Variants in ACSBG1 observed in about 807,000 individuals in gnomAD.
ACSBG1 encodes long-chain-fatty-acid--CoA ligase ACSBG1.
ACSBG1 carries 39 observed loss-of-function variants against 80.2 expected under a neutral mutation model. That is an observed-to-expected ratio of 0.49 (90% CI 0.38 to 0.64). The LOEUF is 0.64. Among genes scored for constraint, ACSBG1 ranks in the 30% least tolerant of loss-of-function variants. The probability of loss-of-function intolerance (pLI) is 0.00; values close to 1 mark genes in which losing one functional copy is unlikely to be tolerated. For synonymous variants in ACSBG1, 392 were observed against 379.5 expected (o/e 1.03, Z -0.38); for missense variants, 828 against 966.4 (o/e 0.86, Z 1.90).
At chr15:78,187,305 T>A (rs960047422) in intron 5 of ACSBG1, among the ~76,000 whole-genome samples, 81 of 152,240 alleles carry the variant, frequency 5.3e-4, no homozygotes, top group African/African-American at 1.9e-3. Flanking sequence ...AAAGAGGGAA[T>A]CCTCCCTAAC....
chr15:78,199,086 A>G (rs1013523913), intron 2 of ACSBG1, among the ~76,000 whole-genome samples: 37 of 151,792 alleles, frequency 2.4e-4, no homozygotes, highest in African/African-American at 8.7e-4. Flanking sequence ...GAACAGCGCA[A>G]TATTTTTCTT....
At chr15:78,190,359 CTTTT>C (rs1033062575) in intron 5 of ACSBG1, among the ~76,000 whole-genome samples, 1 of 151,334 alleles carries the variant, frequency 6.6e-6, no homozygotes, top group African/African-American at 2.4e-5. Flanking sequence ...TTCCTTCTTT[CTTTT>C]TGTTTTTTTA....
rs753800326 is a variant in ACSBG1 at position 78,194,018 on chromosome 15, G to T, written c.456C>A (p.Leu152=). The T allele has an allele frequency of 6.2e-7, 1 of 1,613,894 alleles. No homozygotes were observed. Among genetic ancestry groups the T allele is most frequent in the Non-Finnish European group, 8.5e-7 (1 of 1,179,970 alleles). The change falls in exon 4 of 14, where the codon CTC becomes CTA. Residue 152 remains leucine, a splice_region_variant and synonymous_variant. Transcript: ENST00000258873. ...CCACACTGTGGGCCTGCTTCAGGCC[G>T]AGCTCCAGGTCAAAGGCAGACAGGC... The part of the protein sequence containing the change: ...ARRAAKGFLK[L]GLKQAHSVAI...
At chr15:78,173,384 A>AT (rs1208137649) in intron 13 of ACSBG1, among the ~76,000 whole-genome samples, 5 of 148,064 alleles carry the variant, frequency 3.4e-5, no homozygotes, top group African/African-American at 1.2e-4. Context: ...GTTCTAGCAC[A>AT]TATCTTATAC....
chr15:78,215,772 A>G (rs1294625600), intron 1 of ACSBG1, among the ~76,000 whole-genome samples: 1 of 149,046 alleles, frequency 6.7e-6, no homozygotes, highest in African/African-American at 2.5e-5. Flanking sequence ...GAAAGAAAGA[A>G]AGAAAGAAAG....
At chr15:78,193,439 G>A in intron 5 of ACSBG1, 67 bp downstream of exon 5, 4 of 1,551,076 alleles carry the variant, frequency 2.6e-6, no homozygotes, top group Non-Finnish European at 3.5e-6. Context: ...GGTTCCGTGT[G>A]AGTTGGAGTG....
rs998831414 is a variant in ACSBG1 at position 78,180,142 on chromosome 15, C to G, written c.1254-362G>C. Among the ~76,000 whole-genome samples, 4 of 152,306 alleles carry G rather than the reference C, an allele frequency of 2.6e-5. No individual in the cohort carries two copies. The South Asian group carries it at 8.3e-4, about 32-fold the overall frequency. ...TGTATACACATGTACAAACGTGGGA[C>G]CCCAGTGAAGCCCACAAATGCTTTG... On this transcript the variant is annotated intron_variant, in intron 9 of 13. Coordinates refer to ENST00000258873, the MANE Select transcript of ACSBG1 (RefSeq NM_015162.5).
chr15:78,184,749 C>G (rs1325544513), intron 5 of ACSBG1, among the ~76,000 whole-genome samples: 1 of 152,188 alleles, frequency 6.6e-6, no homozygotes, highest in African/African-American at 2.4e-5. Context: ...CATCGTTGCA[C>G]TGTAAATACT....
intron 9 of ACSBG1, among the ~76,000 whole-genome samples, chr15:78,180,307 C>T (rs1196100753): frequency 6.6e-6 from 1 of 152,160 alleles, no homozygotes; most frequent in Non-Finnish European, 1.5e-5. Flanking sequence ...GCCAGCTTTA[C>T]GTCACTGACC....
rs767787287 is a variant in ACSBG1, at chr15:78,178,645, A to G, written c.1671T>C (p.Asp557=). 5 of 1,613,588 alleles carry G rather than the reference A, an allele frequency of 3.1e-6. No homozygotes were observed. Among genetic ancestry groups the G allele is most frequent in the South Asian group, 1.1e-5 (1 of 91,032 alleles). ...GGCGCCCAGTGATGTAGAGGAAGCCATCGGCGTCCAGGCGGCCAGCATCAC... is the reference window on the plus strand; with the variant it reads ...GGCGCCCAGTGATGTAGAGGAAGCCGTCGGCGTCCAGGCGGCCAGCATCAC... ...HTGDAGRLDA[D]GFLYITGRLK... The change falls in exon 11 of 14, where the codon GAT becomes GAC. Residue 557 remains aspartate (D), a synonymous_variant. Coordinates refer to ENST00000258873, the MANE Select transcript of ACSBG1 (RefSeq NM_015162.5). This position sits in a 1 kb window ranked among gnomAD's most constrained non-coding sequence, Gnocchi z 4.3.
intron 5 of ACSBG1, among the ~76,000 whole-genome samples, chr15:78,185,267 T>G (rs2074990109): frequency 6.6e-6 from 1 of 152,096 alleles, no homozygotes; most frequent in South Asian, 2.1e-4. Flanking sequence ...AGGGTGAAAC[T>G]CCATGAAGCT....
intron 1 of ACSBG1, among the ~76,000 whole-genome samples, chr15:78,219,964 AAC>A (rs2075347486): frequency 6.6e-6 from 1 of 152,072 alleles, no homozygotes; most frequent in African/African-American, 2.4e-5. Flanking sequence ...GAATCTGGGC[AAC>A]AGAGTGAGAC....
chr15:78,216,475 T>A (rs557667908), intron 1 of ACSBG1, among the ~76,000 whole-genome samples: 3 of 152,256 alleles, frequency 2.0e-5, no homozygotes, highest in East Asian at 3.9e-4. Context: ...AGGCATGGAC[T>A]GTGGACCATC....
chr15:78,184,457 A>T (rs893992051), intron 5 of ACSBG1, among the ~76,000 whole-genome samples: 1 of 152,056 alleles, frequency 6.6e-6, no homozygotes, highest in Non-Finnish European at 1.5e-5. Flanking sequence ...TGCTGGGATT[A>T]TACGAATGAG....
At position 78,182,509 on chromosome 15, in the gene ACSBG1, C is replaced by T; in HGVS notation, c.851G>A (p.Gly284Asp). Residue 284 changes from glycine (G) to aspartate (D), a missense_variant, in exon 7 of 14, where the codon GGC becomes GAC. Gly to Asp is a moderately conservative substitution (Grantham distance 94). This residue lies in a region of ACSBG1 where 271 missense variants were observed against 375.9 expected (regional missense o/e 0.72). Coordinates refer to ENST00000258873, the MANE Select transcript of ACSBG1 (RefSeq NM_015162.5). Reference sequence around the variant, plus strand: ...CACGCCCTTGGGGTTCCCAGTGGTGCCGGAAGTGTAGACTAGCACACAGCA... The same window carrying T: ...CACGCCCTTGGGGTTCCCAGTGGTGTCGGAAGTGTAGACTAGCACACAGCA... ...NQCCVLVYTS[G>D]TTGNPKGVML... 6.2e-7 allele frequency: 1 copy of T among 1,614,164 alleles called. No homozygotes were observed. The highest frequency in any genetic ancestry group is 8.5e-7 in the Non-Finnish European group (1 of 1,180,030).
At chr15:78,180,611 A>C in intron 9 of ACSBG1, 144 bp downstream of exon 9, 1 of 1,041,566 alleles carries the variant, frequency 9.6e-7, no homozygotes, top group Non-Finnish European at 1.3e-6. Context: ...AAGCCCAGTC[A>C]TTGATGGGGC....
At chr15:78,217,220 C>A (rs1353631046) in intron 1 of ACSBG1, among the ~76,000 whole-genome samples, 1 of 152,210 alleles carries the variant, frequency 6.6e-6, no homozygotes, top group Non-Finnish European at 1.5e-5. Context: ...ACATAACCAG[C>A]ACTGCGTCTC....
chr15:78,172,419 G>T lies in ACSBG1; in HGVS notation c.2090-890C>A, dbSNP rs1287152301. The stretch of plus-strand genomic sequence containing the variant: ...CAGGTTATGGGGAGCCTCTGCCATG[G>T]TCTTTATGAGAGGTCTTCCCCTAAT... On this transcript the variant is annotated intron_variant, in intron 13 of 13. Transcript: ENST00000258873. The surrounding 1 kb of genome is among the most constrained non-coding windows in gnomAD (Gnocchi z 4.1). 7.9e-5 allele frequency among the ~76,000 whole-genome samples: 12 copies of T among 152,174 alleles called. No homozygotes were observed. The highest frequency in any genetic ancestry group is 1.5e-5 in the Non-Finnish European group (1 of 68,026).
chr15:78,189,698 G>A (rs960792656), intron 5 of ACSBG1, among the ~76,000 whole-genome samples: 5 of 151,944 alleles, frequency 3.3e-5, no homozygotes, highest in Admixed American at 2.6e-4. Context: ...GGGAGGGATA[G>A]CTTTAGGAGA....
Sources: gnomAD v4.1 joint callset for allele counts (sites outside exome capture counted in the v4.1 genomes callset) on GRCh38, gnomAD v4.1.1 for gene constraint, gnomAD v4.1.1 regional missense constraint, Gnocchi (gnomAD v3.1) non-coding constraint, MANE v1.5 for transcripts, NCBI Gene and HGNC (gene_info 2026-07-23, HGNC 2026-07-21) for gene names.